Variants in GATA2 observed in about 807,000 individuals in gnomAD.
GATA2 encodes the protein endothelial transcription factor GATA-2.
Under a neutral mutation model 35.7 loss-of-function variants are expected in GATA2, and 6 were observed. That is an observed-to-expected ratio of 0.17 (90% CI 0.09 to 0.33). The LOEUF is 0.33. GATA2 is among the 10% of genes least tolerant of loss of function. GATA2 has a pLI of 1.00. For synonymous variants in GATA2, 313 were observed against 274.9 expected (o/e 1.14, Z -1.37); for missense variants, 541 against 656.6 (o/e 0.82, Z 1.92).
In GATA2 at chr3:128,486,847, T is replaced by A; in HGVS notation, c.185A>T (p.Asn62Ile). Reference protein sequence around the residue: ...LDSQGNPYYANPAHARARVSY... With the variant: ...LDSQGNPYYAIPAHARARVSY... ...GACGCGCGCCCGCGCGTGAGCGGGG[T>A]TGGCATAGTAGGGGTTGCCCTGCGA... Residue 62 changes from asparagine (N) to isoleucine (I), a missense_variant, in exon 2 of 6, where the codon AAC becomes ATC. By Grantham distance (149) the Asn-to-Ile change is moderately radical. Coordinates refer to ENST00000341105, the MANE Select transcript of GATA2 (RefSeq NM_032638.5). 1 of 1,611,668 alleles carries A rather than the reference T, an allele frequency of 6.2e-7. No homozygotes were observed.
intron 3 of GATA2, among the ~76,000 whole-genome samples, chr3:128,485,050 A>C (rs1278591508): frequency 2.0e-5 from 3 of 152,206 alleles, no homozygotes; most frequent in Non-Finnish European, 4.4e-5. Flanking sequence ...ATTCTTGGAC[A>C]AACCCAGTTT....
intron 2 of GATA2, 48 bp from the exon 3 acceptor site, chr3:128,486,416 A>G (rs1252508583): frequency 6.4e-7 from 1 of 1,571,720 alleles, no homozygotes; most frequent in South Asian, 1.2e-5. Flanking sequence ...AGATCAGGGT[A>G]GGCAGAGCTA....
chr3:128,483,833 C>T, intron 4 of GATA2, 27 bp downstream of exon 4: 1 of 1,614,114 alleles, frequency 6.2e-7, no homozygotes, highest in Non-Finnish European at 8.5e-7. Flanking sequence ...CAGCAGCCCC[C>T]TCCCAGCCAC....
Position 128,483,917 on chromosome 3 carries a change from G to A in GATA2, c.960C>T (p.Gly320=), listed in dbSNP as rs762957000. ...GTGHYLCNAC[G]LYHKMNGQNR... ...TCTGCCCATTCATCTTGTGGTAGAG[G>A]CCACAGGCATTGCACAGGTAGTGGC... Residue 320 remains glycine (G), a synonymous_variant, in exon 4 of 6, where the codon GGC becomes GGT. Transcript: ENST00000341105. The A allele has an allele frequency of 3.7e-6, 6 of 1,614,160 alleles. No homozygotes were observed. Among genetic ancestry groups the A allele is most frequent in the Non-Finnish European group, 5.1e-6 (6 of 1,180,040 alleles).
chr3:128,491,814 C>G (rs1049850319), intron 1 of GATA2, among the ~76,000 whole-genome samples: 6 of 152,284 alleles, frequency 3.9e-5, no homozygotes, highest in South Asian at 4.1e-4. Flanking sequence ...CCCGCGGAAC[C>G]CTGCTGAGAC....
Position 128,481,226 on chromosome 3 carries a change from C to T in GATA2, c.1236G>A (p.Glu412=), listed in dbSNP as rs1559984721. 6.2e-7 allele frequency: 1 copy of T among 1,614,240 alleles called. No homozygotes were observed. Among genetic ancestry groups the T allele is most frequent in the Non-Finnish European group, 8.5e-7 (1 of 1,180,042 alleles). ...TGCACTTTGACAGCTCCTCGAAGCA[C>T]TCCGCCCCTTTCTTGCTCTTCTTGG... ...NKSKKSKKGA[E]CFEELSKCMQ... Residue 412 remains glutamate, a synonymous_variant, in exon 6 of 6, where the codon GAG becomes GAA. Transcript: ENST00000341105.
intron 3 of GATA2, among the ~76,000 whole-genome samples, chr3:128,484,775 C>A (rs758282141): frequency 3.3e-5 from 5 of 151,976 alleles, no homozygotes; most frequent in Admixed American, 1.3e-4. Context: ...CGGGGCTCAG[C>A]GGGTGCTGGG....
At position 128,486,191 on chromosome 3, in the gene GATA2, C is replaced by A. The variant is rs1474520167; in HGVS notation, c.407G>T (p.Gly136Val). The change falls in exon 3 of 6, where the codon GGC becomes GTC. Residue 136 changes from glycine (G) to valine (V), a missense_variant. By Grantham distance (109) the Gly-to-Val change is moderately radical (BLOSUM62 -3). Coordinates refer to ENST00000341105, the MANE Select transcript of GATA2 (RefSeq NM_032638.5). ...AGCCCCTGGGTACACAGAGAGTGGG[C>A]CTCCAGGGCCTCCAGCAGCTGAGGG... is the stretch of plus-strand genomic sequence containing the variant. ...LHPSAAGGPG[G>V]PLSVYPGAGG... 6.4e-7 allele frequency: 1 copy of A among 1,559,944 alleles called. No individual in the cohort carries two copies. The highest frequency in any genetic ancestry group is 8.7e-7 in the Non-Finnish European group (1 of 1,152,446).
At position 128,486,855 on chromosome 3, in the gene GATA2, G is replaced by A. The variant is rs146150325; in HGVS notation, c.177C>T (p.Tyr59=). The stretch of plus-strand genomic sequence containing the variant: ...CCCGCGCGTGAGCGGGGTTGGCATA[G>A]TAGGGGTTGCCCTGCGAGTCGAGGT... ...FNHLDSQGNP[Y]YANPAHARAR... Residue 59 remains tyrosine (Y), a synonymous_variant, in exon 2 of 6, where the codon TAC becomes TAT. Coordinates refer to ENST00000341105, the MANE Select transcript of GATA2 (RefSeq NM_032638.5). The A allele has an allele frequency of 3.7e-5, 60 of 1,612,220 alleles. No individual in the cohort carries two copies. In the African/African-American group the frequency reaches 7.2e-4, roughly 19 times the overall value.
intron 1 of GATA2, chr3:128,491,889 G>C (rs915720680): frequency 1.3e-5 from 2 of 152,250 alleles, no homozygotes; most frequent in South Asian, 2.1e-4. Context: ...TGGAGCGGCC[G>C]GGGCCGGCGG....
At chr3:128,483,720 A>C in intron 4 of GATA2, 140 bp downstream of exon 4, 1 of 1,197,232 alleles carries the variant, frequency 8.4e-7, no homozygotes, top group Non-Finnish European at 1.2e-6. Context: ...GACGACCCCA[A>C]CTGACATCCC....
chr3:128,484,047 G>T (rs2068663974), intron 3 of GATA2, 42 bp from the exon 4 acceptor site: 4 of 1,602,736 alleles, frequency 2.5e-6, no homozygotes, highest in Non-Finnish European at 3.4e-6. Flanking sequence ...TGCTTAACCG[G>T]CAAGTTCTCG....
In GATA2 at chr3:128,493,017, C is replaced by G. The variant is rs1417205804; in HGVS notation, c.-164G>C. ...CCTGGGCGCGGGGTGGCGGCGCTCA[C>G]CAGCAGAGCCTGGGCGGCACGCCGA... On this transcript the variant is annotated 5_prime_UTR_variant, in exon 1 of 6. Coordinates refer to ENST00000341105, the MANE Select transcript of GATA2 (RefSeq NM_032638.5). 1 of 153,056 alleles carries G rather than the reference C, an allele frequency of 6.5e-6. No individual in the cohort carries two copies. The highest frequency in any genetic ancestry group is 1.5e-5 in the Non-Finnish European group (1 of 68,776). 9.5% of individuals were successfully genotyped at this position (153,056 alleles called of 1,614,324 possible).
At position 128,488,704 on chromosome 3, in the gene GATA2, CG is replaced by C. The variant is rs201759442; in HGVS notation, c.-45-1629del. Among the ~76,000 whole-genome samples the C allele has an allele frequency of 2.4e-3, 370 of 151,668 alleles. 1 individual carries two copies. The highest frequency in any genetic ancestry group is 8.0e-3 in the African/African-American group (331 of 41,408). On this transcript the variant is annotated intron_variant, in intron 1 of 5. Coordinates refer to ENST00000341105, the MANE Select transcript of GATA2 (RefSeq NM_032638.5). The surrounding 1 kb of genome is among the most constrained non-coding windows in gnomAD (Gnocchi z 5.8). ...GCAAGAGGTGGCATTTTTTTTCCTC[CG>C]GGGGGGGTCCCCGAGGTGGCCTCTG...
At position 128,485,842 on chromosome 3, in the gene GATA2, A is replaced by G. The variant is rs750736371; in HGVS notation, c.756T>C (p.Tyr252=). The G allele has an allele frequency of 4.3e-6, 7 of 1,613,894 alleles. No individual in the cohort carries two copies. Among genetic ancestry groups the G allele is most frequent in the Admixed American group, 1.7e-5 (1 of 60,008 alleles). The change falls in exon 3 of 6, where the codon TAT becomes TAC. Residue 252 remains tyrosine, a synonymous_variant. Coordinates refer to ENST00000341105, the MANE Select transcript of GATA2 (RefSeq NM_032638.5). ...TGTAGTCGTGGGCAGCCGCCGGCAC[A>G]TAGGAGGGGTAGGTGGGGATGGGGT... ...THHPIPTYPS[Y]VPAAAHDYSS... is the part of the protein sequence containing the mutation.
chr3:128,487,074 GC>G lies in GATA2; in HGVS notation c.-44del. ...CAGGGTCTGGGTGCAGACGGCAACG[GC>G]CCTGCGCGAGGAAGGGGGAGTGAGG... On this transcript the variant is annotated splice_region_variant and 5_prime_UTR_variant, in exon 2 of 6. Coordinates refer to ENST00000341105, the MANE Select transcript of GATA2 (RefSeq NM_032638.5). 1.3e-6 allele frequency: 2 copies of G among 1,490,490 alleles called. No individual in the cohort carries two copies. Among genetic ancestry groups the G allele is most frequent in the Non-Finnish European group, 1.8e-6 (2 of 1,107,408 alleles). The allele number at this position is 1,490,490 out of a possible 1,614,324, so 92.3% of individuals were successfully genotyped here.
At chr3:128,484,099 C>T (rs1174434855) in intron 3 of GATA2, 94 bp from the exon 4 acceptor site, 13 of 1,503,946 alleles carry the variant, frequency 8.6e-6, no homozygotes, top group Admixed American at 1.8e-5. Context: ...CGAGCAGTGC[C>T]GGTGCCTCTC....
chr3:128,492,274 C>G (rs770636144), intron 1 of GATA2: 1 of 152,256 alleles, frequency 6.6e-6, no homozygotes, highest in Non-Finnish European at 1.5e-5. Context: ...AGATCCAGAA[C>G]GCCGTCTACG....
rs142582404 is a variant in GATA2, at chr3:128,479,790, T to C, written c.*1229A>G. ...AATCTAAGCTCGGGACACGTTTATATACAGCTGTACCTTGGGAAGGATCCA... is the reference window on the plus strand; with the variant it reads ...AATCTAAGCTCGGGACACGTTTATACACAGCTGTACCTTGGGAAGGATCCA... On this transcript the variant is annotated 3_prime_UTR_variant, in exon 6 of 6. Coordinates refer to ENST00000341105, the MANE Select transcript of GATA2 (RefSeq NM_032638.5). 349 of 233,512 alleles carry C rather than the reference T, an allele frequency of 1.5e-3. 5 individuals carry two copies. In the East Asian group the frequency reaches 0.021, roughly 14 times the overall value. 14.5% of individuals were successfully genotyped at this position (233,512 alleles called of 1,614,324 possible).
Sources: gnomAD v4.1 joint callset for allele counts (sites outside exome capture counted in the v4.1 genomes callset) on GRCh38, gnomAD v4.1.1 for gene constraint, Gnocchi (gnomAD v3.1) non-coding constraint, MANE v1.5 for transcripts, NCBI Gene and HGNC (gene_info 2026-07-23, HGNC 2026-07-21) for gene names.